MED12L: variants seen among roughly 807,000 people sequenced by gnomAD.
MED12L encodes the protein mediator complex subunit 12L, also known as mediator of RNA polymerase II transcription subunit 12-like protein.
MED12L carries 60 observed loss-of-function variants against 281.3 expected under a neutral mutation model. The observed-to-expected ratio is 0.21, with a 90% CI of 0.17 to 0.26. The LOEUF (loss-of-function observed/expected upper bound fraction) is 0.26. MED12L is among the 10% of genes least tolerant of loss of function. MED12L has a pLI of 1.00. For synonymous variants in MED12L, 974 were observed against 987.2 expected (o/e 0.99, Z 0.25); for missense variants, 2,146 against 2,680.9 (o/e 0.80, Z 4.41).
intron 16 of MED12L, among the ~76,000 whole-genome samples, chr3:151,236,087 A>G (rs527840995): frequency 6.6e-6 from 1 of 152,304 alleles, no homozygotes; most frequent in Non-Finnish European, 1.5e-5. Context: ...TCTTAAAGGT[A>G]AGCTTTGCCA....
At chr3:151,195,042 A>G (rs1014617149) in intron 16 of MED12L, among the ~76,000 whole-genome samples, 2 of 152,176 alleles carry the variant, frequency 1.3e-5, no homozygotes, top group Non-Finnish European at 2.9e-5. Context: ...GGGCGCCTGT[A>G]GTCGCAGCTT....
intron 5 of MED12L, among the ~76,000 whole-genome samples, chr3:151,132,319 C>G (rs1007802246): frequency 1.3e-5 from 2 of 152,284 alleles, no homozygotes; most frequent in Non-Finnish European, 2.9e-5. Context: ...AACCTTGATT[C>G]AATCCAGTGT....
At chr3:151,247,962 C>CTTTTTTTTT (rs61102632) in intron 16 of MED12L, among the ~76,000 whole-genome samples, 98 of 75,888 alleles carry the variant, frequency 1.3e-3, no homozygotes, top group Middle Eastern at 7.8e-3. Context: ...TCTTCTTCTT[C>CTTTTTTTTT]TTTTTTTTTT....
intron 10 of MED12L, 152 bp downstream of exon 10, chr3:151,165,671 A>G: frequency 4.3e-6 from 4 of 930,552 alleles, no homozygotes; most frequent in South Asian, 3.2e-5. Context: ...TGCCTTTTAG[A>G]TCCTGGCTGT....
intron 5 of MED12L, among the ~76,000 whole-genome samples, chr3:151,151,188 C>T (rs1718451942): frequency 1.3e-5 from 2 of 151,640 alleles, no homozygotes; most frequent in African/African-American, 4.8e-5. Flanking sequence ...CAGGCGCCCG[C>T]CACCACACCC....
chr3:151,307,125 T>A (rs1040457659), intron 16 of MED12L, among the ~76,000 whole-genome samples: 1 of 152,198 alleles, frequency 6.6e-6, no homozygotes, highest in Non-Finnish European at 1.5e-5. Flanking sequence ...AGATACAGGA[T>A]CTCTTCTATT....
intron 16 of MED12L, among the ~76,000 whole-genome samples, chr3:151,246,972 C>G (rs1249631335): frequency 1.3e-5 from 2 of 152,168 alleles, no homozygotes; most frequent in East Asian, 3.8e-4. Context: ...CACGAACAGA[C>G]ACTTCTCAAA....
In MED12L at chr3:151,368,203, C is replaced by A. The variant is rs1339970476; in HGVS notation, c.3502C>A (p.Leu1168Ile). 1 of 1,613,972 alleles carries A rather than the reference C, an allele frequency of 6.2e-7. No homozygotes were observed. Among genetic ancestry groups the A allele is most frequent in the Non-Finnish European group, 8.5e-7 (1 of 1,179,986 alleles). The part of the protein sequence containing the change: ...PGARMTCRLL[L>I]HLFRAPQACF... ...GGCGAGAATGACATGCCGACTCTTG[C>A]TTCATCTCTTCCGAGCTCCCCAGGC... The change falls in exon 25 of 45, where the codon CTT becomes ATT. Residue 1168 changes from leucine (L) to isoleucine (I), a missense_variant. Around this residue, in one of 9 missense-constraint regions of MED12L, gnomAD observed 404 missense variants for 603.5 expected, o/e 0.67. Transcript: ENST00000687756.
chr3:151,159,531 G>A (rs1719719977), intron 7 of MED12L, among the ~76,000 whole-genome samples: 1 of 152,100 alleles, frequency 6.6e-6, no homozygotes. Flanking sequence ...GACTTAGTAT[G>A]GAAAAGTGTA....
intron 43 of MED12L, among the ~76,000 whole-genome samples, chr3:151,427,066 C>T (rs1560153353): frequency 6.6e-6 from 1 of 152,094 alleles, no homozygotes; most frequent in Non-Finnish European, 1.5e-5. Flanking sequence ...TGTCTGCTCG[C>T]CTTGGCCTCT....
intron 43 of MED12L, among the ~76,000 whole-genome samples, chr3:151,418,448 C>T (rs6798154): frequency 0.66 from 100,206 of 152,012 alleles, 34,301 homozygotes; most frequent in Middle Eastern, 0.87. Flanking sequence ...TCTAGACCAA[C>T]TCCAAAGCTG....
chr3:151,210,534 T>C (rs1727000760), intron 16 of MED12L, among the ~76,000 whole-genome samples: 2 of 152,188 alleles, frequency 1.3e-5, no homozygotes, highest in South Asian at 2.1e-4. Context: ...AATATTCCTT[T>C]TATAAAAACA....
Position 151,193,516 on chromosome 3 carries a change from C to T in MED12L, c.2100C>T (p.Ser700=). 1 of 1,613,572 alleles carries T rather than the reference C, an allele frequency of 6.2e-7. No individual in the cohort carries two copies. The highest frequency in any genetic ancestry group is 8.5e-7 in the Non-Finnish European group (1 of 1,179,716). The change falls in exon 16 of 45, where the codon TCC becomes TCT. Residue 700 remains serine (S), a synonymous_variant. Coordinates refer to ENST00000687756, the MANE Select transcript of MED12L (RefSeq NM_001393769.1). The part of the protein sequence containing the change: ...FPIFSPMPGE[S]CENANTSLGR... Reference sequence around the variant, plus strand: ...TTTTTTCTCCTATGCCTGGAGAATCCTGTGAGAATGCCAACACTTCGTTGG... The same window carrying T: ...TTTTTTCTCCTATGCCTGGAGAATCTTGTGAGAATGCCAACACTTCGTTGG...
chr3:151,101,264 A>G (rs1721358926), intron 2 of MED12L, among the ~76,000 whole-genome samples: 2 of 152,248 alleles, frequency 1.3e-5, no homozygotes, highest in East Asian at 3.8e-4. Context: ...AAAGTGCCAC[A>G]TGACATTATA....
intron 16 of MED12L, among the ~76,000 whole-genome samples, chr3:151,275,931 A>G (rs1033218478): frequency 1.6e-4 from 25 of 152,116 alleles, no homozygotes; most frequent in African/African-American, 5.6e-4. Flanking sequence ...CTATGGGTGT[A>G]GCACCAGACT....
chr3:151,378,615 A>C (rs1329727783), intron 31 of MED12L, among the ~76,000 whole-genome samples: 7 of 152,116 alleles, frequency 4.6e-5, no homozygotes, highest in Non-Finnish European at 1.0e-4. Flanking sequence ...TCTAGACTAG[A>C]CATTAAGACT....
In MED12L at chr3:151,176,778, A is replaced by G. The variant is rs372471103; in HGVS notation, c.1495-8552A>G. Among the ~76,000 whole-genome samples, 70 of 152,330 alleles carry G rather than the reference A, an allele frequency of 4.6e-4. No individual in the cohort carries two copies. In the East Asian group the frequency reaches 5.8e-3, roughly 13 times the overall value. On this transcript the variant is annotated intron_variant, in intron 11 of 44. Transcript: ENST00000687756. ...TTGAGGCCAGCAGCCTGAACTTATT[A>G]AATGAGGAATGGGAATGCTTCTAGT...
Position 151,433,968 on chromosome 3 carries a change from GCTC to G in MED12L, c.*1167_*1169del, listed in dbSNP as rs1210511761. The G allele has an allele frequency of 6.6e-5, 10 of 152,538 alleles. No individual in the cohort carries two copies. Among genetic ancestry groups the G allele is most frequent in the East Asian group, 1.9e-4 (1 of 5,198 alleles). 9.4% of individuals were successfully genotyped at this position (152,538 alleles called of 1,614,324 possible). A position where few individuals can be genotyped will look rare whatever the true frequency, so the allele number is the denominator to read the frequency against. On this transcript the variant is annotated 3_prime_UTR_variant, in exon 45 of 45. Transcript: ENST00000687756. ...ACTTTGTTCAAGTATGTGGTAATTT[GCTC>G]CTATTAGAGTAAAAAAGAAACCAGT...
At chr3:151,307,944 A>G (rs1746935969) in intron 16 of MED12L, among the ~76,000 whole-genome samples, 1 of 152,170 alleles carries the variant, frequency 6.6e-6, no homozygotes. Flanking sequence ...TTTTTGGCTC[A>G]GTCTGTGACC....
Sources: gnomAD v4.1 joint callset for allele counts (sites outside exome capture counted in the v4.1 genomes callset) on GRCh38, gnomAD v4.1.1 for gene constraint, gnomAD v4.1.1 regional missense constraint, MANE v1.5 for transcripts, NCBI Gene and HGNC (gene_info 2026-07-23, HGNC 2026-07-21) for gene names.